Variants in CACNA1E observed in about 807,000 individuals in gnomAD.
CACNA1E encodes voltage-dependent R-type calcium channel subunit alpha-1E.
Under a neutral mutation model 259.2 loss-of-function variants are expected in CACNA1E, and 40 were observed. That is an observed-to-expected ratio of 0.15 (90% CI 0.12 to 0.20). CACNA1E has a LOEUF of 0.20. Among genes scored for constraint, CACNA1E ranks in the 10% least tolerant of loss-of-function variants. The pLI, the probability that CACNA1E is intolerant of heterozygous loss-of-function variation, is 1.00. For missense variants in CACNA1E, 1,874 were observed against 3,040.1 expected (o/e 0.62, Z 9.02); for synonymous variants, 1,104 against 1,138.5 (o/e 0.97, Z 0.61).
chr1:181,364,574 A>C (rs1476758071), intron 1 of CACNA1E, among the ~76,000 whole-genome samples: 2 of 152,202 alleles, frequency 1.3e-5, no homozygotes, highest in Non-Finnish European at 2.9e-5. Context: ...GGTTCAACAC[A>C]GGGGTTGAAT....
intron 1 of CACNA1E, among the ~76,000 whole-genome samples, chr1:181,506,838 T>C (rs1665749038): frequency 6.6e-6 from 1 of 151,456 alleles, no homozygotes; most frequent in African/African-American, 2.5e-5. Context: ...CTAGGCAGAC[T>C]TGGATGGTCT....
At chr1:181,682,403 G>A (rs908120562) in intron 7 of CACNA1E, among the ~76,000 whole-genome samples, 3 of 152,158 alleles carry the variant, frequency 2.0e-5, no homozygotes, top group Non-Finnish European at 4.4e-5. Context: ...TGAGGAAACC[G>A]GAGGACCAAG....
At chr1:181,461,963 C>A (rs918360501) in intron 2 of CACNA1E, among the ~76,000 whole-genome samples, 4 of 152,012 alleles carry the variant, frequency 2.6e-5, no homozygotes, top group South Asian at 2.1e-4. Flanking sequence ...CATACATATA[C>A]CCACATACAG....
chr1:181,377,157 G>T (rs1459377342), intron 1 of CACNA1E, among the ~76,000 whole-genome samples: 1 of 152,216 alleles, frequency 6.6e-6, no homozygotes, highest in Non-Finnish European at 1.5e-5. Flanking sequence ...ATGGACAGTT[G>T]TTACCAAAGG....
At chr1:181,466,379 C>T (rs1014700329) in intron 2 of CACNA1E, among the ~76,000 whole-genome samples, 1 of 129,060 alleles carries the variant, frequency 7.7e-6, no homozygotes, top group African/African-American at 3.2e-5. Context: ...CATATTTCTA[C>T]TTAAAAAAAA....
Position 181,758,703 on chromosome 1 carries a change from C to A in CACNA1E, c.4495-55C>A. 1.0e-6 allele frequency: 1 copy of A among 992,784 alleles called. No individual in the cohort carries two copies. The highest frequency in any genetic ancestry group is 1.6e-6 in the Non-Finnish European group (1 of 628,474). The allele number at this position is 992,784 out of a possible 1,614,324, so 61.5% of individuals were successfully genotyped here. On this transcript the variant is annotated intron_variant, in intron 31 of 47. Coordinates refer to ENST00000367573, the MANE Select transcript of CACNA1E (RefSeq NM_001205293.3). This position sits in a 1 kb window ranked among gnomAD's most constrained non-coding sequence, Gnocchi z 4.2. ...ATGGCCAACCTCAGTGACATGTATT[C>A]CCCCTCTTACCTTAAGGCTGTGATT...
At chr1:181,639,554 G>A (rs1484988018) in intron 6 of CACNA1E, among the ~76,000 whole-genome samples, 3 of 152,140 alleles carry the variant, frequency 2.0e-5, no homozygotes, top group Non-Finnish European at 2.9e-5. Context: ...TCTGCCTTCC[G>A]ACAGCTTACG....
intron 7 of CACNA1E, among the ~76,000 whole-genome samples, chr1:181,688,692 A>G (rs1004342016): frequency 6.6e-6 from 1 of 152,200 alleles, no homozygotes; most frequent in Non-Finnish European, 1.5e-5. Flanking sequence ...TAATTGTCAA[A>G]TATACAATAC....
intron 17 of CACNA1E, among the ~76,000 whole-genome samples, chr1:181,725,324 T>C (rs1463129628): frequency 6.6e-6 from 1 of 152,216 alleles, no homozygotes; most frequent in Admixed American, 6.5e-5. Flanking sequence ...ACACCTGCCA[T>C]TGGCTGTGTT....
At chr1:181,387,251 C>T (rs1031617273) in intron 1 of CACNA1E, among the ~76,000 whole-genome samples, 1 of 152,152 alleles carries the variant, frequency 6.6e-6, no homozygotes, top group African/African-American at 2.4e-5. Flanking sequence ...GCACCTGTCA[C>T]CACCCTGAAC....
chr1:181,506,277 C>T (rs918283062), intron 1 of CACNA1E, among the ~76,000 whole-genome samples: 2 of 152,268 alleles, frequency 1.3e-5, no homozygotes, highest in East Asian at 1.9e-4. Context: ...TGTTATTTGC[C>T]GTCTAGGCTC....
At chr1:181,715,210 C>T (rs940230511) in intron 8 of CACNA1E, 128 bp from the exon 9 acceptor site, 12 of 635,332 alleles carry the variant, frequency 1.9e-5, no homozygotes, top group African/African-American at 7.3e-5. Context: ...GATGCTGGTG[C>T]CTGTGACAGG....
At chr1:181,537,395 G>C (rs907299552) in intron 3 of CACNA1E, among the ~76,000 whole-genome samples, 6 of 152,200 alleles carry the variant, frequency 3.9e-5, no homozygotes, top group Admixed American at 3.9e-4. Context: ...CACCACACCT[G>C]GCCTGTGGTT....
At chr1:181,461,097 TG>T (rs1300709091) in intron 2 of CACNA1E, among the ~76,000 whole-genome samples, 4 of 152,216 alleles carry the variant, frequency 2.6e-5, no homozygotes, top group Admixed American at 6.5e-5. Context: ...CTGGAGATAC[TG>T]GAGCTTTTGC....
At chr1:181,497,974 C>T (rs564195613) in intron 1 of CACNA1E, among the ~76,000 whole-genome samples, 2 of 152,196 alleles carry the variant, frequency 1.3e-5, no homozygotes, top group African/African-American at 4.8e-5. Flanking sequence ...TGTCTTTCCC[C>T]CGCCAAAACT....
At chr1:181,410,399 GAGCT>G (rs2102134952) in intron 1 of CACNA1E, among the ~76,000 whole-genome samples, 1 of 152,306 alleles carries the variant, frequency 6.6e-6, no homozygotes, top group South Asian at 2.1e-4. Flanking sequence ...CATGTCCTGG[GAGCT>G]TCAAGCTCAA....
intron 1 of CACNA1E, among the ~76,000 whole-genome samples, chr1:181,333,356 TTACA>T (rs1028897881): frequency 6.6e-6 from 1 of 152,194 alleles, no homozygotes; most frequent in Non-Finnish European, 1.5e-5. Context: ...CCCACACCCA[TTACA>T]TACATCAGGG....
At chr1:181,639,240 A>G (rs1386927472) in intron 6 of CACNA1E, among the ~76,000 whole-genome samples, 1 of 152,076 alleles carries the variant, frequency 6.6e-6, no homozygotes, top group East Asian at 1.9e-4. Context: ...GGTGCCTGCC[A>G]CCATGCCCGG....
intron 2 of CACNA1E, among the ~76,000 whole-genome samples, chr1:181,425,781 C>T (rs917369548): frequency 1.3e-5 from 2 of 151,928 alleles, no homozygotes; most frequent in African/African-American, 4.8e-5. Flanking sequence ...TCCTCTTTTT[C>T]TCTCGAAGCC....
Sources: gnomAD v4.1 joint callset for allele counts (sites outside exome capture counted in the v4.1 genomes callset) on GRCh38, gnomAD v4.1.1 for gene constraint, Gnocchi (gnomAD v3.1) non-coding constraint, MANE v1.5 for transcripts, NCBI Gene and HGNC (gene_info 2026-07-23, HGNC 2026-07-21) for gene names.